The following REM1 variants were observed in gnomAD, a reference collection of about 807,000 sequenced individuals.
The protein encoded by REM1 is RRAD and GEM like GTPase 1, also known as GTP-binding protein REM 1.
A neutral mutation model predicts 27.0 loss-of-function variants in REM1; 20 were observed. That is an observed-to-expected ratio of 0.74 (90% CI 0.52 to 1.08). The LOEUF (loss-of-function observed/expected upper bound fraction) is 1.08, where lower values mean the gene tolerates loss of function less well. REM1 is among the 50% of genes least tolerant of loss of function. The pLI is 0.00. For missense variants in REM1, 405 were observed against 407.0 expected, an observed-to-expected ratio of 1.00 and a Z score of 0.04; for synonymous variants, 159 against 167.9, an observed-to-expected ratio of 0.95 and a Z score of 0.41.
intron 3 of REM1, among the ~76,000 whole-genome samples, chr20:31,480,246 CACACATACATACAT>C (rs1568762892): frequency 3.5e-4 from 19 of 53,536 alleles, no homozygotes; most frequent in Admixed American, 2.0e-3. Context: ...TACATACATA[CACACATACATACAT>C]ACATACATAC....
At chr20:31,478,909 A>G (rs370302143) in intron 3 of REM1, among the ~76,000 whole-genome samples, 27 of 149,084 alleles carry the variant, frequency 1.8e-4, no homozygotes, top group African/African-American at 6.2e-4. Context: ...ATCTCGGCTC[A>G]CTGCAACCTC....
Position 31,484,213 on chromosome 20 carries a change from C to T in REM1, c.680C>T (p.Thr227Met), listed in dbSNP as rs1422192802. 2 of 1,608,370 alleles carry T rather than the reference C, an allele frequency of 1.2e-6. No homozygotes were observed. The highest frequency in any genetic ancestry group is 8.5e-7 in the Non-Finnish European group (1 of 1,177,852). The change falls in exon 5 of 5, where the codon ACG (threonine) becomes ATG (methionine). Residue 227 changes from threonine (T) to methionine (M), a missense_variant. Coordinates refer to ENST00000201979, the MANE Select transcript of REM1 (RefSeq NM_014012.6). The stretch of plus-strand genomic sequence containing the variant: ...TGTAAATTCATCGAGACATCCGCCA[C>T]GCTGCAGCACAATGTGGCCGAGCTC... ...FDCKFIETSA[T>M]LQHNVAELFE...
In REM1 at chr20:31,477,939, GA is replaced by G. The variant is rs747803967; in HGVS notation, c.423+30del. 8 of 1,415,354 alleles carry G rather than the reference GA, an allele frequency of 5.7e-6. No individual in the cohort carries two copies. In the South Asian group the frequency reaches 5.9e-5, roughly 10 times the overall value. 87.7% of individuals were successfully genotyped at this position (1,415,354 alleles called of 1,614,324 possible). A position where few individuals can be genotyped will look rare whatever the true frequency, so the allele number is the denominator to read the frequency against. ...TGGCACTGCAAGCAGAATTTGGGGA[GA>G]GGGGTGCTGAGCCTAATACTAGACT... On this transcript the variant is annotated intron_variant, in intron 3 of 4. Transcript: ENST00000201979.
chr20:31,482,579 C>A (rs1980775844), intron 4 of REM1, 91 bp downstream of exon 4: 1 of 1,270,240 alleles, frequency 7.9e-7, no homozygotes, highest in Non-Finnish European at 1.1e-6. Context: ...ACTGTCCCTG[C>A]CAAGCTGCCC....
chr20:31,482,568 G>A, intron 4 of REM1, 80 bp downstream of exon 4: 1 of 1,387,824 alleles, frequency 7.2e-7, no homozygotes, highest in South Asian at 1.3e-5. Context: ...TCATCTCAGT[G>A]ACTGTCCCTG....
rs769947096 is a variant in REM1 at position 31,484,400 on chromosome 20, C to T, written c.867C>T (p.Ser289=). ...GCCGCCGGGCACTCAAGGCCCGCTC[C>T]AAGTCCTGCCACAATCTGGCCGTGC... ...SARRRALKAR[S]KSCHNLAVL is the part of the protein sequence containing the mutation. Residue 289 remains serine (S), a synonymous_variant, in exon 5 of 5, where the codon TCC becomes TCT. Transcript: ENST00000201979. 17 of 1,537,644 alleles carry T rather than the reference C, an allele frequency of 1.1e-5. No individual in the cohort carries two copies. Among genetic ancestry groups the T allele is most frequent in the Non-Finnish European group, 1.4e-5 (16 of 1,143,918 alleles).
chr20:31,480,234 GAT>G (rs1387374850), intron 3 of REM1, among the ~76,000 whole-genome samples: 4,336 of 138,156 alleles, frequency 0.031, 79 homozygotes, highest in African/African-American at 0.034. Flanking sequence ...TAGATAGACA[GAT>G]ACATACATAC....
chr20:31,481,101 G>A lies in REM1; in HGVS notation c.424-1186G>A, dbSNP rs149116268. 9.9e-5 allele frequency among the ~76,000 whole-genome samples: 15 copies of A among 152,156 alleles called. No individual in the cohort carries two copies. The East Asian group carries it at 2.3e-3, about 24-fold the overall frequency. On this transcript the variant is annotated intron_variant, in intron 3 of 4. Coordinates refer to ENST00000201979, the MANE Select transcript of REM1 (RefSeq NM_014012.6). ...AGCCTGGCCAATATCGTGAAACCCC[G>A]TCTCTACCAAAAACACAAAAAATTA...
rs78989117 is a variant in REM1 at position 31,484,771 on chromosome 20, A to G, written c.*341A>G. On this transcript the variant is annotated 3_prime_UTR_variant, in exon 5 of 5. Transcript: ENST00000201979. ...AGAAGGATGTCCCATCTGAATGCCC[A>G]GACCTCTCCATCTCGGCTCTTCCAG... 7.2e-6 allele frequency: 2 copies of G among 279,548 alleles called. No individual in the cohort carries two copies. The highest frequency in any genetic ancestry group is 2.2e-5 in the African/African-American group (1 of 45,398). The allele number at this position is 279,548 out of a possible 1,614,324, so 17.3% of individuals were successfully genotyped here. A position where few individuals can be genotyped will look rare whatever the true frequency, so the allele number is the denominator to read the frequency against.
chr20:31,479,861 G>A (rs2122474833), intron 3 of REM1, among the ~76,000 whole-genome samples: 1 of 152,186 alleles, frequency 6.6e-6, no homozygotes, highest in South Asian at 2.1e-4. Context: ...AGGCCGAGGT[G>A]GGCAGATCAC....
intron 3 of REM1, among the ~76,000 whole-genome samples, chr20:31,480,934 A>T (rs1568763230): frequency 6.6e-6 from 1 of 152,238 alleles, no homozygotes; most frequent in East Asian, 1.9e-4. Flanking sequence ...CACGAATCTG[A>T]TGCTTTCCTA....
At position 31,481,417 on chromosome 20, in the gene REM1, C is replaced by T. The variant is rs559482655; in HGVS notation, c.424-870C>T. 3.3e-5 allele frequency among the ~76,000 whole-genome samples: 5 copies of T among 152,192 alleles called. No homozygotes were observed. In the South Asian group the frequency reaches 1.0e-3, roughly 32 times the overall value. On this transcript the variant is annotated intron_variant, in intron 3 of 4. Coordinates refer to ENST00000201979, the MANE Select transcript of REM1 (RefSeq NM_014012.6). ...TGCTTGGCCTCCCCCTCCTTCCTAA[C>T]CCCATTCGCCAGTCCCCTGTGAAGC...
At chr20:31,480,230 G>GAT in intron 3 of REM1, among the ~76,000 whole-genome samples, 2 of 110,300 alleles carry the variant, frequency 1.8e-5, no homozygotes, top group African/African-American at 9.7e-5. Context: ...TAGATAGATA[G>GAT]ACAGATACAT....
At position 31,484,687 on chromosome 20, in the gene REM1, A is replaced by C. The variant is rs1258418488; in HGVS notation, c.*257A>C. 2.1e-6 allele frequency: 1 copy of C among 486,018 alleles called. No individual in the cohort carries two copies. Among genetic ancestry groups the C allele is most frequent in the Non-Finnish European group, 3.5e-6 (1 of 282,288 alleles). 30.1% of individuals were successfully genotyped at this position (486,018 alleles called of 1,614,324 possible). ...CGTGGTGGGTGTCTTTTTGTAAAAA[A>C]ATCTTCCTTGTCCCTGGGCTCTGGC... On this transcript the variant is annotated 3_prime_UTR_variant, in exon 5 of 5. Coordinates refer to ENST00000201979, the MANE Select transcript of REM1 (RefSeq NM_014012.6).
chr20:31,477,677 C>T, intron 2 of REM1, 151 bp from the exon 3 acceptor site: 1 of 606,638 alleles, frequency 1.6e-6, no homozygotes, highest in East Asian at 2.8e-5. Context: ...ACATGGGCTC[C>T]TACCAGGAGA....
In REM1 at chr20:31,484,619, C is replaced by A; in HGVS notation, c.*189C>A. The A allele has an allele frequency of 1.4e-6, 1 of 705,618 alleles. No homozygotes were observed. Among genetic ancestry groups the A allele is most frequent in the Non-Finnish European group, 2.1e-6 (1 of 470,584 alleles). The allele number at this position is 705,618 out of a possible 1,614,324, so 43.7% of individuals were successfully genotyped here. A position where few individuals can be genotyped will look rare whatever the true frequency, so the allele number is the denominator to read the frequency against. On this transcript the variant is annotated 3_prime_UTR_variant, in exon 5 of 5. Transcript: ENST00000201979. ...CCCGGGAAAGCGATGGACAGACAGA[C>A]GATGGGGCCGAAGCCCCAAGCTGGG...
chr20:31,476,729 G>C lies in REM1; in HGVS notation c.284G>C (p.Ser95Thr). 6.2e-7 allele frequency: 1 copy of C among 1,614,018 alleles called. No homozygotes were observed. Among genetic ancestry groups the C allele is most frequent in the South Asian group, 1.1e-5 (1 of 91,058 alleles). The change falls in exon 2 of 5, where the codon AGC (serine) becomes ACC (threonine). Residue 95 changes from serine (S) to threonine (T), a missense_variant. By Grantham distance (58) the Ser-to-Thr change is moderately conservative (BLOSUM62 1). Transcript: ENST00000201979. ...GGAGATCCTGGAGTGGGGAAGACCA[G>C]CTTGGCCAGCCTCTTTGCAGGGAAG... is the stretch of plus-strand genomic sequence containing the variant. Reference protein sequence around the residue: ...LLGDPGVGKTSLASLFAGKQE... With the variant: ...LLGDPGVGKTTLASLFAGKQE...
rs1980497433 is a variant in REM1 at position 31,476,386 on chromosome 20, A to G, written c.-60A>G. 7.3e-7 allele frequency: 1 copy of G among 1,370,842 alleles called. No homozygotes were observed. Among genetic ancestry groups the G allele is most frequent in the African/African-American group, 1.5e-5 (1 of 68,564 alleles). 84.9% of individuals were successfully genotyped at this position (1,370,842 alleles called of 1,614,324 possible). A position where few individuals can be genotyped will look rare whatever the true frequency, so the allele number is the denominator to read the frequency against. On this transcript the variant is annotated 5_prime_UTR_variant, in exon 2 of 5. Coordinates refer to ENST00000201979, the MANE Select transcript of REM1 (RefSeq NM_014012.6). ...AAGCAGCTCAAAGCAATTGGCTGACAGCCAATTCCCCCTTCTTTCAGAAGG... is the reference window on the plus strand; with the variant it reads ...AAGCAGCTCAAAGCAATTGGCTGACGGCCAATTCCCCCTTCTTTCAGAAGG...
Position 31,484,467 on chromosome 20 carries a change from G to A in REM1, c.*37G>A. 1 of 1,448,728 alleles carries A rather than the reference G, an allele frequency of 6.9e-7. No homozygotes were observed. Among genetic ancestry groups the A allele is most frequent in the African/African-American group, 1.5e-5 (1 of 68,616 alleles). The allele number at this position is 1,448,728 out of a possible 1,614,324, so 89.7% of individuals were successfully genotyped here. Reference sequence around the variant, plus strand: ...CTTCTGAGAGTTGGCGGGTCACTGAGGTGCATTCTGGGCTCCAGGGACGCC... The same window carrying A: ...CTTCTGAGAGTTGGCGGGTCACTGAAGTGCATTCTGGGCTCCAGGGACGCC... On this transcript the variant is annotated 3_prime_UTR_variant, in exon 5 of 5. Coordinates refer to ENST00000201979, the MANE Select transcript of REM1 (RefSeq NM_014012.6).
Sources: allele counts gnomAD v4.1 joint callset (sites outside exome capture counted in the v4.1 genomes callset), GRCh38; gene constraint gnomAD v4.1.1; transcripts MANE v1.5; gene names NCBI Gene and HGNC (gene_info 2026-07-23, HGNC 2026-07-21).